Variants in CDK19 observed in about 807,000 individuals in gnomAD.
CDK19 encodes cyclin-dependent kinase 19.
Under a neutral mutation model 68.3 loss-of-function variants are expected in CDK19, and 20 were observed. The observed-to-expected ratio is 0.29, with a 90% CI of 0.21 to 0.43. CDK19 has a LOEUF of 0.43. Ranked by LOEUF, CDK19 falls within the 20% of genes least tolerant of loss-of-function variation. The pLI is 1.00. For synonymous variants in CDK19, 221 were observed against 222.8 expected (o/e 0.99, Z 0.07); for missense variants, 339 against 623.5 (o/e 0.54, Z 4.86).
intron 2 of CDK19, among the ~76,000 whole-genome samples, chr6:110,732,116 CAG>C (rs1230256717): frequency 7.1e-6 from 1 of 141,754 alleles, no homozygotes; most frequent in Middle Eastern, 3.2e-3. Flanking sequence ...ATCTAGCTAA[CAG>C]AGAAATCATC....
chr6:110,648,663 C>T (rs941904960), intron 4 of CDK19, among the ~76,000 whole-genome samples: 92 of 151,438 alleles, frequency 6.1e-4, no homozygotes, highest in Admixed American at 6.1e-3. Context: ...GCCTCAGCCT[C>T]CTGAGTAGCT....
At chr6:110,635,054 CTT>C (rs1181208708) in intron 5 of CDK19, among the ~76,000 whole-genome samples, 1 of 152,158 alleles carries the variant, frequency 6.6e-6, no homozygotes, top group African/African-American at 2.4e-5. Flanking sequence ...TAACAGTTGA[CTT>C]TCTAAAATTA....
rs1778088439 is a variant in CDK19 at position 110,612,680 on chromosome 6, A to G, written c.*1855T>C. 6.6e-6 allele frequency: 1 copy of G among 152,330 alleles called. No individual in the cohort carries two copies. Among genetic ancestry groups the G allele is most frequent in the Non-Finnish European group, 1.5e-5 (1 of 68,044 alleles). The allele number at this position is 152,330 out of a possible 1,614,324, so 9.4% of individuals were successfully genotyped here. ...AGGATAAAACTGCATATAGGCAGCT[A>G]CATTATGCAGAGGGCTGCTAATTTC... On this transcript the variant is annotated 3_prime_UTR_variant, in exon 13 of 13. Coordinates refer to ENST00000368911, the MANE Select transcript of CDK19 (RefSeq NM_015076.5).
chr6:110,671,309 T>C (rs1770997314), intron 2 of CDK19, among the ~76,000 whole-genome samples: 1 of 152,182 alleles, frequency 6.6e-6, no homozygotes, highest in East Asian at 1.9e-4. Flanking sequence ...AATGACATTA[T>C]TGCTCAAGGT....
chr6:110,719,087 A>T (rs1301675084), intron 2 of CDK19, among the ~76,000 whole-genome samples: 1 of 152,236 alleles, frequency 6.6e-6, no homozygotes, highest in African/African-American at 2.4e-5. Flanking sequence ...TCAAATCATT[A>T]GTTCAGGGAG....
At chr6:110,699,445 T>C (rs1194631805) in intron 2 of CDK19, among the ~76,000 whole-genome samples, 1 of 141,490 alleles carries the variant, frequency 7.1e-6, no homozygotes, top group Non-Finnish European at 1.5e-5. Context: ...AAAAAAAGCA[T>C]GGATGAAGCT....
intron 2 of CDK19, among the ~76,000 whole-genome samples, chr6:110,734,544 TC>T (rs1469532774): frequency 6.7e-6 from 1 of 149,692 alleles, no homozygotes; most frequent in African/African-American, 2.5e-5. Context: ...TCTCTCTCTC[TC>T]TCTCTCTCTC....
chr6:110,647,195 G>A (rs1442772386), intron 4 of CDK19, among the ~76,000 whole-genome samples: 1 of 152,138 alleles, frequency 6.6e-6, no homozygotes, highest in Admixed American at 6.6e-5. Flanking sequence ...GGTCCGGCCG[G>A]CCAGTAACCT....
rs1778734189 is a variant in CDK19 at position 110,621,770 on chromosome 6, C to T, written c.1110+318G>A. 6.6e-6 allele frequency among the ~76,000 whole-genome samples: 1 copy of T among 152,098 alleles called. No individual in the cohort carries two copies. The highest frequency in any genetic ancestry group is 2.4e-5 in the African/African-American group (1 of 41,402). On this transcript the variant is annotated intron_variant, in intron 11 of 12. Transcript: ENST00000368911. The surrounding 1 kb of genome is among the most constrained non-coding windows in gnomAD (Gnocchi z 5.4). ...AATATATCCAGTTAAGACGAAAGAA[C>T]AGAGTGATGCTAGCAAAAGCCAGCC... is the stretch of plus-strand genomic sequence containing the variant.
At chr6:110,797,124 G>A (rs560601954) in intron 1 of CDK19, among the ~76,000 whole-genome samples, 24 of 151,808 alleles carry the variant, frequency 1.6e-4, no homozygotes, top group Non-Finnish European at 2.2e-4. Flanking sequence ...GGTGGATCAC[G>A]AGGTCAGGAG....
intron 2 of CDK19, among the ~76,000 whole-genome samples, chr6:110,732,249 A>G (rs1776818579): frequency 6.6e-6 from 1 of 152,070 alleles, no homozygotes; most frequent in Admixed American, 6.6e-5. Context: ...TAATCCCAGC[A>G]CTTTCGGAGA....
intron 4 of CDK19, among the ~76,000 whole-genome samples, chr6:110,650,484 A>G (rs1780892343): frequency 6.6e-6 from 1 of 152,216 alleles, no homozygotes; most frequent in African/African-American, 2.4e-5. Context: ...ATATTCTTGT[A>G]TATGTATCAT....
At chr6:110,804,933 G>A (rs1358601290) in intron 1 of CDK19, among the ~76,000 whole-genome samples, 2 of 151,528 alleles carry the variant, frequency 1.3e-5, no homozygotes, top group Non-Finnish European at 2.9e-5. Context: ...TCCAACCTGG[G>A]CGACAGAACA....
intron 2 of CDK19, among the ~76,000 whole-genome samples, chr6:110,743,008 C>T (rs1217952395): frequency 2.0e-5 from 3 of 152,076 alleles, no homozygotes; most frequent in Non-Finnish European, 2.9e-5. Flanking sequence ...ACAGACCTAC[C>T]GATATGTGAT....
intron 1 of CDK19, among the ~76,000 whole-genome samples, chr6:110,803,462 A>T (rs1782473811): frequency 6.6e-6 from 1 of 152,232 alleles, no homozygotes; most frequent in Non-Finnish European, 1.5e-5. Flanking sequence ...TTAATAGCAT[A>T]AAATTATTTC....
chr6:110,785,791 A>C (rs555840341), intron 1 of CDK19, among the ~76,000 whole-genome samples: 60 of 152,202 alleles, frequency 3.9e-4, no homozygotes, highest in African/African-American at 1.3e-3. Flanking sequence ...GACCAGCCTG[A>C]CCAACATAGA....
intron 2 of CDK19, among the ~76,000 whole-genome samples, chr6:110,740,554 T>G (rs1241460414): frequency 6.6e-6 from 1 of 152,230 alleles, no homozygotes; most frequent in Non-Finnish European, 1.5e-5. Flanking sequence ...TAAACGTTTT[T>G]CCTTTCTGTA....
intron 4 of CDK19, chr6:110,645,903 C>A: frequency 1.2e-6 from 1 of 837,668 alleles, no homozygotes; most frequent in Non-Finnish European, 1.9e-6. Flanking sequence ...CTCAGTCCTG[C>A]GAACTGTGCC....
intron 7 of CDK19, 66 bp downstream of exon 7, chr6:110,626,936 G>T: frequency 6.9e-7 from 1 of 1,452,362 alleles, no homozygotes. Context: ...ATTAAAATAT[G>T]CTTTTGAGAA....
Sources: allele counts gnomAD v4.1 joint callset (sites outside exome capture counted in the v4.1 genomes callset), GRCh38; gene constraint gnomAD v4.1.1; non-coding constraint Gnocchi (gnomAD v3.1); transcripts MANE v1.5; gene names NCBI Gene and HGNC (gene_info 2026-07-23, HGNC 2026-07-21).